NALCN: variants seen among roughly 807,000 people sequenced by gnomAD.
The protein encoded by NALCN is sodium leak channel NALCN.
Under a neutral mutation model 225.3 loss-of-function variants are expected in NALCN, and 111 were observed. The ratio of observed to expected loss-of-function variants is 0.49; its 90% CI spans 0.42 to 0.58. The LOEUF is 0.58. Among genes scored for constraint, NALCN ranks in the 20% least tolerant of loss-of-function variants. NALCN has a pLI of 0.00. For synonymous variants in NALCN, 764 were observed against 769.0 expected (o/e 0.99, Z 0.11); for missense variants, 1,378 against 2,202.4 (o/e 0.63, Z 7.49).
rs1369197912 is a variant in NALCN at position 101,054,895 on chromosome 13, A to G, written c.*400T>C. The G allele has an allele frequency of 6.2e-6, 1 of 161,070 alleles. No homozygotes were observed. Among genetic ancestry groups the G allele is most frequent in the Non-Finnish European group, 1.3e-5 (1 of 74,328 alleles). 10.0% of individuals were successfully genotyped at this position (161,070 alleles called of 1,614,324 possible). A position where few individuals can be genotyped will look rare whatever the true frequency, so the allele number is the denominator to read the frequency against. Reference sequence around the variant, plus strand: ...TCTAGTGGAAATGGGAAAGATGTGAACTAAAGCTATAACCCCTGTACCCTA... The same window carrying G: ...TCTAGTGGAAATGGGAAAGATGTGAGCTAAAGCTATAACCCCTGTACCCTA... On this transcript the variant is annotated 3_prime_UTR_variant, in exon 44 of 44. Coordinates refer to ENST00000251127, the MANE Select transcript of NALCN (RefSeq NM_052867.4).
intron 17 of NALCN, among the ~76,000 whole-genome samples, chr13:101,140,421 A>G (rs2037016653): frequency 6.6e-6 from 1 of 152,162 alleles, no homozygotes; most frequent in African/African-American, 2.4e-5. Context: ...TCATATTTCA[A>G]TTTTGTGTTT....
At chr13:101,114,429 C>G (rs1346615314) in intron 18 of NALCN, among the ~76,000 whole-genome samples, 1 of 142,008 alleles carries the variant, frequency 7.0e-6, no homozygotes, top group East Asian at 2.9e-4. Flanking sequence ...TATTCATTCT[C>G]TCTCTCTCTC....
intron 10 of NALCN, among the ~76,000 whole-genome samples, chr13:101,262,366 T>C (rs1172913827): frequency 6.6e-6 from 1 of 152,094 alleles, no homozygotes; most frequent in Admixed American, 6.6e-5. Flanking sequence ...CTGCCCACTG[T>C]GGGGTAGAGA....
chr13:101,330,530 G>T (rs1327630716), intron 7 of NALCN, among the ~76,000 whole-genome samples: 1 of 152,228 alleles, frequency 6.6e-6, no homozygotes, highest in African/African-American at 2.4e-5. Flanking sequence ...CTTCTGTCCA[G>T]ATCCATGCGG....
intron 15 of NALCN, among the ~76,000 whole-genome samples, chr13:101,159,953 T>TTTTTATTTTATTTTA (rs148275396): frequency 1.8e-4 from 27 of 151,266 alleles, no homozygotes; most frequent in Middle Eastern, 3.2e-3. Flanking sequence ...TTTTTTGTTA[T>TTTTTATTTTATTTTA]TTTTATTTTA....
intron 14 of NALCN, among the ~76,000 whole-genome samples, 188 bp from the exon 15 acceptor site, chr13:101,176,562 C>T (rs1231577027): frequency 3.3e-5 from 5 of 152,052 alleles, no homozygotes; most frequent in East Asian, 1.9e-4. Flanking sequence ...AAAATGCATA[C>T]GTTCATTGAA....
chr13:101,338,924 T>C (rs2045470524), intron 7 of NALCN, among the ~76,000 whole-genome samples: 1 of 152,250 alleles, frequency 6.6e-6, no homozygotes, highest in Non-Finnish European at 1.5e-5. Context: ...GTAATTCTAA[T>C]CCCACTCACT....
chr13:101,265,321 A>G (rs2042561507), intron 10 of NALCN, among the ~76,000 whole-genome samples: 1 of 152,186 alleles, frequency 6.6e-6, no homozygotes, highest in African/African-American at 2.4e-5. Context: ...GGGTCTCTGT[A>G]ACTTTGACAA....
intron 9 of NALCN, among the ~76,000 whole-genome samples, chr13:101,286,475 TGTG>T (rs1291943809): frequency 1.3e-5 from 2 of 152,144 alleles, no homozygotes; most frequent in Non-Finnish European, 2.9e-5. Context: ...ACAAGGTGAC[TGTG>T]GTAATGGGGG....
At chr13:101,264,698 TCA>T (rs1266750781) in intron 10 of NALCN, among the ~76,000 whole-genome samples, 5 of 152,158 alleles carry the variant, frequency 3.3e-5, no homozygotes, top group African/African-American at 9.7e-5. Flanking sequence ...ATTTGCAACT[TCA>T]CAGTTTCATG....
intron 15 of NALCN, among the ~76,000 whole-genome samples, chr13:101,160,069 C>T (rs548773689): frequency 6.6e-6 from 1 of 152,308 alleles, no homozygotes; most frequent in Admixed American, 6.5e-5. Context: ...ATTCTACTGC[C>T]TCAGCCTCCT....
At chr13:101,315,795 C>T (rs2044531837) in intron 7 of NALCN, among the ~76,000 whole-genome samples, 1 of 152,120 alleles carries the variant, frequency 6.6e-6, no homozygotes, top group South Asian at 2.1e-4. Flanking sequence ...ATACCAGACT[C>T]TTTTACCCTA....
At chr13:101,056,559 G>A (rs1023221429) in intron 43 of NALCN, among the ~76,000 whole-genome samples, 2 of 152,076 alleles carry the variant, frequency 1.3e-5, no homozygotes, top group African/African-American at 4.8e-5. Flanking sequence ...ACTGCGCCTG[G>A]CCCAATGGAA....
chr13:101,342,488 T>C (rs1053383668), intron 7 of NALCN, among the ~76,000 whole-genome samples: 1 of 152,208 alleles, frequency 6.6e-6, no homozygotes, highest in Non-Finnish European at 1.5e-5. Context: ...CATGGGGTCC[T>C]AGTAAGCCTC....
At chr13:101,269,141 A>T (rs2042690901) in intron 10 of NALCN, among the ~76,000 whole-genome samples, 1 of 149,822 alleles carries the variant, frequency 6.7e-6, no homozygotes, top group Non-Finnish European at 1.5e-5. Flanking sequence ...TAAGAAAAAT[A>T]AAAAATATTA....
At chr13:101,183,508 G>A (rs1327941723) in intron 14 of NALCN, among the ~76,000 whole-genome samples, 1 of 152,190 alleles carries the variant, frequency 6.6e-6, no homozygotes, top group Non-Finnish European at 1.5e-5. Context: ...CCCCCAGGCT[G>A]GAGTGCAGTG....
intron 15 of NALCN, among the ~76,000 whole-genome samples, chr13:101,174,438 A>G (rs1236714836): frequency 1.3e-5 from 2 of 152,222 alleles, no homozygotes; most frequent in African/African-American, 4.8e-5. Flanking sequence ...CATATAGTTT[A>G]TTAAAACTTT....
rs143195885 is a variant in NALCN, at chr13:101,137,878, A to T, written c.2118+5202T>A. Among the ~76,000 whole-genome samples the T allele has an allele frequency of 3.3e-5, 5 of 152,324 alleles. No homozygotes were observed. In the East Asian group the frequency reaches 9.6e-4, roughly 29 times the overall value. On this transcript the variant is annotated intron_variant, in intron 17 of 43. Transcript: ENST00000251127. The stretch of plus-strand genomic sequence containing the variant: ...GCCCAGGTGCAATGCTAGGTATTTA[A>T]CATTATTACATTATTTGATTCTCAC...
At chr13:101,347,267 C>A (rs1430432691) in intron 6 of NALCN, among the ~76,000 whole-genome samples, 6 of 152,026 alleles carry the variant, frequency 3.9e-5, no homozygotes, top group Admixed American at 6.6e-5. Context: ...TAGGGTTCTG[C>A]CCTTTGTCAG....
Sources: allele counts gnomAD v4.1 joint callset (sites outside exome capture counted in the v4.1 genomes callset), GRCh38; gene constraint gnomAD v4.1.1; transcripts MANE v1.5; gene names NCBI Gene and HGNC (gene_info 2026-07-23, HGNC 2026-07-21).